SHANK2: variants seen among roughly 807,000 people sequenced by gnomAD.
SHANK2 encodes the protein SH3 and multiple ankyrin repeat domains 2, also known as SH3 and multiple ankyrin repeat domains protein 2.
SHANK2 carries 43 observed loss-of-function variants against 133.7 expected under a neutral mutation model. That is an observed-to-expected ratio of 0.32 (90% confidence interval 0.25 to 0.41). The LOEUF (loss-of-function observed/expected upper bound fraction) is 0.41. Ranked by LOEUF, SHANK2 falls within the 10% of genes least tolerant of loss-of-function variation. The pLI is 1.00. For synonymous variants in SHANK2, 1,017 were observed against 952.8 expected (o/e 1.07, Z -1.24); for missense variants, 1,994 against 2,235.8 (o/e 0.89, Z 2.18).
At chr11:70,713,022 C>A (rs1161872794) in intron 14 of SHANK2, among the ~76,000 whole-genome samples, 1 of 152,236 alleles carries the variant, frequency 6.6e-6, no homozygotes, top group Non-Finnish European at 1.5e-5. Context: ...TGGGTAAGAC[C>A]CCAGCAGCGA....
At chr11:71,093,783 C>T (rs1161408318) in intron 7 of SHANK2, among the ~76,000 whole-genome samples, 1 of 152,218 alleles carries the variant, frequency 6.6e-6, no homozygotes, top group African/African-American at 2.4e-5. Flanking sequence ...CAGACTCACA[C>T]ACCAACAGAA....
chr11:71,103,895 CT>C (rs1951763268), intron 6 of SHANK2, among the ~76,000 whole-genome samples: 1 of 132,142 alleles, frequency 7.6e-6, no homozygotes, highest in Non-Finnish European at 1.6e-5. Context: ...TCTCTCTCTC[CT>C]GCTTTCACCA....
chr11:70,473,508 AC>A lies in SHANK2; in HGVS notation c.4980-70del, dbSNP rs1413234329. On this transcript the variant is annotated intron_variant, in intron 25 of 25. Coordinates refer to ENST00000601538, the MANE Select transcript of SHANK2 (RefSeq NM_012309.5). The surrounding 1 kb of genome is among the most constrained non-coding windows in gnomAD (Gnocchi z 5.9). ...GAGTCAGGGCAGCTGGCTGCAGATC[AC>A]CCAGGAAGGCGAGGGAGACGCCCAA... 111 of 1,524,716 alleles carry A rather than the reference AC, an allele frequency of 7.3e-5. No individual in the cohort carries two copies. Among genetic ancestry groups the A allele is most frequent in the Non-Finnish European group, 9.8e-5 (109 of 1,116,354 alleles). 94.4% of individuals were successfully genotyped at this position (1,524,716 alleles called of 1,614,324 possible).
chr11:70,873,769 C>A (rs112146643), intron 11 of SHANK2, among the ~76,000 whole-genome samples: 1 of 150,972 alleles, frequency 6.6e-6, no homozygotes, highest in African/African-American at 2.4e-5. Flanking sequence ...AGTTCATGAA[C>A]AACTTTGCTA....
At chr11:70,550,598 T>C (rs2059752194) in intron 17 of SHANK2, among the ~76,000 whole-genome samples, 1 of 152,080 alleles carries the variant, frequency 6.6e-6, no homozygotes, top group African/African-American at 2.4e-5. Flanking sequence ...ATCCAAGGGG[T>C]CGGCTCGCAT....
At chr11:70,651,711 C>T (rs184211862) in intron 17 of SHANK2, among the ~76,000 whole-genome samples, 52 of 152,280 alleles carry the variant, frequency 3.4e-4, no homozygotes, top group African/African-American at 1.2e-3. Context: ...AGGACAGACC[C>T]TGTTTGTCTT....
rs183703549 is a variant in SHANK2, at chr11:70,775,065, G to C, written c.1777+23378C>G. On this transcript the variant is annotated intron_variant, in intron 14 of 25. Coordinates refer to ENST00000601538, the MANE Select transcript of SHANK2 (RefSeq NM_012309.5). ...ATCCAACACTTTGGGAGGCTGAAGC[G>C]AAAGGATCACTTGAGTCCAGGAGTT... Among the ~76,000 whole-genome samples the C allele has an allele frequency of 1.7e-4, 26 of 152,236 alleles. 1 individual carries two copies. The East Asian group carries it at 4.6e-3, about 27-fold the overall frequency.
chr11:70,872,505 C>G (rs1029704639), intron 11 of SHANK2: 1 of 152,366 alleles, frequency 6.6e-6, no homozygotes, highest in South Asian at 2.1e-4. Flanking sequence ...TCCCTAGAAG[C>G]GCTTGGTGGA....
intron 9 of SHANK2, among the ~76,000 whole-genome samples, chr11:71,069,635 T>A (rs1210168526): frequency 1.3e-5 from 2 of 152,260 alleles, no homozygotes; most frequent in South Asian, 4.1e-4. Context: ...GAATTCGGTT[T>A]AATTATCCCC....
intron 17 of SHANK2, among the ~76,000 whole-genome samples, chr11:70,548,278 G>A (rs995248707): frequency 8.5e-5 from 13 of 152,354 alleles, no homozygotes; most frequent in African/African-American, 2.2e-4. Context: ...TTTCTGAAAA[G>A]AGCCTCTGAC....
intron 2 of SHANK2, among the ~76,000 whole-genome samples, chr11:71,156,067 G>A (rs1952902095): frequency 6.6e-6 from 1 of 152,194 alleles, no homozygotes; most frequent in African/African-American, 2.4e-5. Context: ...GACACAGCAA[G>A]AAGGCAGCCA....
rs539980559 is a variant in SHANK2, at chr11:71,236,498, G to A, written c.-112-11702C>T. Among the ~76,000 whole-genome samples, 8 of 152,322 alleles carry A rather than the reference G, an allele frequency of 5.3e-5. No individual in the cohort carries two copies. In the South Asian group the frequency reaches 1.2e-3, roughly 24 times the overall value. On this transcript the variant is annotated intron_variant, in intron 1 of 25. Coordinates refer to ENST00000601538, the MANE Select transcript of SHANK2 (RefSeq NM_012309.5). The stretch of plus-strand genomic sequence containing the variant: ...GTGGTGGCATGCACCTATAGTCCCT[G>A]CTGCTCCAGAGACTGAGGCAGGAGA...
chr11:70,641,735 C>T (rs1449405348), intron 17 of SHANK2, among the ~76,000 whole-genome samples: 1 of 152,212 alleles, frequency 6.6e-6, no homozygotes, highest in Non-Finnish European at 1.5e-5. Flanking sequence ...AATATCTTTC[C>T]ACGGCTCAAA....
intron 11 of SHANK2, among the ~76,000 whole-genome samples, chr11:70,861,041 G>C (rs782301082): frequency 6.6e-6 from 1 of 152,160 alleles, no homozygotes; most frequent in South Asian, 2.1e-4. Flanking sequence ...TGGCCTTTCC[G>C]GGCCCCCTTG....
At position 70,486,429 on chromosome 11, in the gene SHANK2, T is replaced by A. The variant is rs367803883; in HGVS notation, c.3864A>T (p.Arg1288=). 2.4e-5 allele frequency: 38 copies of A among 1,613,968 alleles called. No individual in the cohort carries two copies. Among genetic ancestry groups the A allele is most frequent in the African/African-American group, 4.0e-5 (3 of 74,916 alleles). The change falls in exon 25 of 26, where the codon CGA becomes CGT. Residue 1288 remains arginine (R), a synonymous_variant. Transcript: ENST00000601538. The surrounding 1 kb of genome is among the most constrained non-coding windows in gnomAD (Gnocchi z 8.0). ...TCTTCTTGTCATCGCCTTTCCGGTCTCGGCCCAGGTCGGTCTCGTACTTGT... is the reference window on the plus strand; with the variant it reads ...TCTTCTTGTCATCGCCTTTCCGGTCACGGCCCAGGTCGGTCTCGTACTTGT... ...TENKYETDLG[R]DRKGDDKKNM...
rs189243224 is a variant in SHANK2, at chr11:70,705,325, T to C, written c.1778-6562A>G. 4 of 152,262 alleles carry C rather than the reference T, an allele frequency of 2.6e-5. No individual in the cohort carries two copies. The East Asian group carries it at 7.7e-4, about 29-fold the overall frequency. 9.4% of individuals were successfully genotyped at this position (152,262 alleles called of 1,614,324 possible). On this transcript the variant is annotated intron_variant, in intron 14 of 25. Transcript: ENST00000601538. ...TAGGGCAAGCTGACTGATACACATC[T>C]CCATGGCCCTCTTAGTCCTGTGGGC...
At chr11:70,782,310 G>C (rs1947516556) in intron 14 of SHANK2, among the ~76,000 whole-genome samples, 1 of 152,238 alleles carries the variant, frequency 6.6e-6, no homozygotes, top group African/African-American at 2.4e-5. Context: ...GCTCGCCTTG[G>C]CCTCCCAAAG....
Position 70,473,149 on chromosome 11 carries a change from G to C in SHANK2, c.5270C>G (p.Pro1757Arg). ...GGATGGCGACCTACTGCGTCCCGCT[G>C]GGTTCAAGCCAAATAGATCCCCAGA... ...PPSGDLFGLNPAGRSRSPSPS... is the reference protein window; with the variant it reads ...PPSGDLFGLNRAGRSRSPSPS... Residue 1757 changes from proline (P) to arginine (R), a missense_variant, in exon 26 of 26, where the codon CCA becomes CGA. Around this residue, in one of 5 missense-constraint regions of SHANK2, gnomAD observed 797 missense variants for 907.4 expected, o/e 0.88. Coordinates refer to ENST00000601538, the MANE Select transcript of SHANK2 (RefSeq NM_012309.5). The surrounding 1 kb of genome is among the most constrained non-coding windows in gnomAD (Gnocchi z 5.9). The C allele has an allele frequency of 1.9e-6, 3 of 1,614,244 alleles. No individual in the cohort carries two copies. The highest frequency in any genetic ancestry group is 2.5e-6 in the Non-Finnish European group (3 of 1,180,034).
intron 17 of SHANK2, among the ~76,000 whole-genome samples, chr11:70,556,985 A>C (rs2059840472): frequency 6.6e-6 from 1 of 152,066 alleles, no homozygotes; most frequent in Non-Finnish European, 1.5e-5. Context: ...TGGCCTCCCA[A>C]GGTGCTGGGA....
Sources: gnomAD v4.1 joint callset for allele counts (sites outside exome capture counted in the v4.1 genomes callset) on GRCh38, gnomAD v4.1.1 for gene constraint, gnomAD v4.1.1 regional missense constraint, Gnocchi (gnomAD v3.1) non-coding constraint, MANE v1.5 for transcripts, NCBI Gene and HGNC (gene_info 2026-07-23, HGNC 2026-07-21) for gene names.